CRISP3: variants seen among roughly 807,000 people sequenced by gnomAD.
CRISP3 encodes cysteine-rich secretory protein 3.
Under a neutral mutation model 36.1 loss-of-function variants are expected in CRISP3, and 33 were observed. The ratio of observed to expected loss-of-function variants is 0.91; its 90% CI spans 0.69 to 1.22. CRISP3 has a LOEUF of 1.22. Ranked by LOEUF, CRISP3 falls within the 50% of genes most tolerant of loss-of-function variation. The pLI is 0.00. For missense variants in CRISP3, 330 were observed against 301.2 expected (o/e 1.10, Z -0.71); for synonymous variants, 117 against 104.6 (o/e 1.12, Z -0.72).
At chr6:49,735,384 A>G (rs1769016524) in intron 4 of CRISP3, 120 bp downstream of exon 4, 1 of 697,006 alleles carries the variant, frequency 1.4e-6, no homozygotes, top group Non-Finnish European at 2.5e-6. Context: ...GATAGTCCAT[A>G]TTGAAAAAGG....
chr6:49,732,545 T>C (rs1371607326), intron 6 of CRISP3, among the ~76,000 whole-genome samples: 1 of 152,222 alleles, frequency 6.6e-6, no homozygotes. Flanking sequence ...AAGTGGACTT[T>C]CTGCAGAAAA....
At chr6:49,742,123 G>A (rs1302277920) in intron 1 of CRISP3, among the ~76,000 whole-genome samples, 1 of 151,424 alleles carries the variant, frequency 6.6e-6, no homozygotes, top group Non-Finnish European at 1.5e-5. Flanking sequence ...ACAGTATCTG[G>A]GAAACAACAA....
chr6:49,735,826 A>G (rs1769037159), intron 3 of CRISP3, among the ~76,000 whole-genome samples: 1 of 152,194 alleles, frequency 6.6e-6, no homozygotes, highest in Non-Finnish European at 1.5e-5. Context: ...TTATGGTCCA[A>G]TTATTTATCA....
In CRISP3 at chr6:49,736,381, C is replaced by A. The variant is rs199951634; in HGVS notation, c.228+10G>T. 6.3e-7 allele frequency: 1 copy of A among 1,576,370 alleles called. No homozygotes were observed. The highest frequency in any genetic ancestry group is 8.7e-7 in the Non-Finnish European group (1 of 1,147,226). The stretch of plus-strand genomic sequence containing the variant: ...TTCACACCCCTCTCCTTTGCAATAT[C>A]ACCTCTTACCATCTTCAGCATGTTT... On this transcript the variant is annotated intron_variant, in intron 3 of 7. Transcript: ENST00000263045.
intron 2 of CRISP3, among the ~76,000 whole-genome samples, chr6:49,736,823 T>A (rs1289427948): frequency 6.6e-6 from 1 of 152,036 alleles, no homozygotes; most frequent in African/African-American, 2.4e-5. Context: ...GTGACAAGGG[T>A]ACATGATAGT....
intron 7 of CRISP3, among the ~76,000 whole-genome samples, chr6:49,729,382 A>C (rs561350100): frequency 3.3e-5 from 5 of 152,110 alleles, no homozygotes; most frequent in South Asian, 2.1e-4. Context: ...TAATGCCCCC[A>C]GTCTTTCTCT....
chr6:49,744,188 C>A (rs1769275596), intron 1 of CRISP3, 143 bp downstream of exon 1: 3 of 513,712 alleles, frequency 5.8e-6, no homozygotes, highest in South Asian at 7.6e-5. Flanking sequence ...AAGATAATTA[C>A]TCTCATTAAA....
At chr6:49,735,928 A>G (rs931412823) in intron 3 of CRISP3, among the ~76,000 whole-genome samples, 1 of 152,154 alleles carries the variant, frequency 6.6e-6, no homozygotes, top group African/African-American at 2.4e-5. Context: ...TTTTCCAACA[A>G]TGAAGTAATT....
chr6:49,728,564 T>C lies in CRISP3; in HGVS notation c.*166A>G. 1.2e-5 allele frequency: 6 copies of C among 504,880 alleles called. No homozygotes were observed. Among genetic ancestry groups the C allele is most frequent in the Non-Finnish European group, 1.9e-5 (6 of 318,070 alleles). The allele number at this position is 504,880 out of a possible 1,614,324, so 31.3% of individuals were successfully genotyped here. On this transcript the variant is annotated 3_prime_UTR_variant, in exon 8 of 8. Transcript: ENST00000263045. ...TTTAACCATTTGTATGAAAAATATTTTTGTAAAATAAAAAGCAGATCCAGA... is the reference window on the plus strand; with the variant it reads ...TTTAACCATTTGTATGAAAAATATTCTTGTAAAATAAAAAGCAGATCCAGA...
At chr6:49,744,247 C>T in intron 1 of CRISP3, 84 bp downstream of exon 1, 11 of 940,744 alleles carry the variant, frequency 1.2e-5, no homozygotes, top group Non-Finnish European at 1.7e-5. Context: ...ACGAATATAT[C>T]ACTTTATCAT....
intron 1 of CRISP3, among the ~76,000 whole-genome samples, chr6:49,738,923 G>A (rs1249655681): frequency 6.6e-6 from 1 of 152,068 alleles, no homozygotes; most frequent in African/African-American, 2.4e-5. Flanking sequence ...ACAAGAAAAT[G>A]GGAGCAGGGG....
Position 49,728,548 on chromosome 6 carries a change from T to A in CRISP3, c.*182A>T. ...ATAGATTTTGTTTCTTTTTAACCAT[T>A]TGTATGAAAAATATTTTTGTAAAAT... On this transcript the variant is annotated 3_prime_UTR_variant, in exon 8 of 8. Transcript: ENST00000263045. The A allele has an allele frequency of 4.6e-6, 2 of 437,344 alleles. No individual in the cohort carries two copies. The highest frequency in any genetic ancestry group is 7.5e-6 in the Non-Finnish European group (2 of 265,462). 27.1% of individuals were successfully genotyped at this position (437,344 alleles called of 1,614,324 possible).
rs1768904734 is a variant in CRISP3 at position 49,731,095 on chromosome 6, T to A, written c.649+68A>T. 9 of 1,190,644 alleles carry A rather than the reference T, an allele frequency of 7.6e-6. No homozygotes were observed. In the South Asian group the frequency reaches 1.3e-4, roughly 17 times the overall value. The allele number at this position is 1,190,644 out of a possible 1,614,324, so 73.8% of individuals were successfully genotyped here. On this transcript the variant is annotated intron_variant, in intron 7 of 7. Coordinates refer to ENST00000263045, the MANE Select transcript of CRISP3 (RefSeq NM_006061.4). ...ATTGCTTAAGTTGGTTGTCTTCAGA[T>A]TTCCCAATTCTTAGAAGAAATGTCA... is the stretch of plus-strand genomic sequence containing the variant.
intron 1 of CRISP3, among the ~76,000 whole-genome samples, chr6:49,743,081 C>T (rs1388648495): frequency 1.3e-5 from 2 of 152,066 alleles, no homozygotes; most frequent in Non-Finnish European, 2.9e-5. Flanking sequence ...CAGCCTATGC[C>T]AATATGCAAA....
chr6:49,736,502 G>A lies in CRISP3; in HGVS notation c.117C>T (p.Pro39=), dbSNP rs267601064. ...PSFPANEDKD[P]AFTALLTTQT... is the part of the protein sequence containing the mutation. The stretch of plus-strand genomic sequence containing the variant: ...GGGTGGTTAACAAAGCAGTAAAAGC[G>A]GGATCCTAAGGGAAAATAAAATTAC... The change falls in exon 3 of 8, where the codon CCC becomes CCT. Residue 39 remains proline (P), a synonymous_variant. Coordinates refer to ENST00000263045, the MANE Select transcript of CRISP3 (RefSeq NM_006061.4). 16 of 1,596,970 alleles carry A rather than the reference G, an allele frequency of 1.0e-5. No individual in the cohort carries two copies. The highest frequency in any genetic ancestry group is 6.7e-5 in the Admixed American group (4 of 59,736).
At chr6:49,740,646 G>T (rs1378633950) in intron 1 of CRISP3, among the ~76,000 whole-genome samples, 1 of 144,036 alleles carries the variant, frequency 6.9e-6, no homozygotes, top group Non-Finnish European at 1.5e-5. Context: ...AGAGGGGAGT[G>T]CTGCATCCAA....
In CRISP3 at chr6:49,728,796, G is replaced by A; in HGVS notation, c.711C>T (p.Thr237=). The A allele has an allele frequency of 6.2e-7, 1 of 1,612,598 alleles. No individual in the cohort carries two copies. Among genetic ancestry groups the A allele is most frequent in the Non-Finnish European group, 8.5e-7 (1 of 1,179,182 alleles). Residue 237 remains threonine (T), a synonymous_variant, in exon 8 of 8, where the codon ACC becomes ACT. Coordinates refer to ENST00000263045, the MANE Select transcript of CRISP3 (RefSeq NM_006061.4). ...SNCKSLKLTL[T]CKHQLVRDSC... ...TGTCCCTGACCAACTGATGTTTACA[G>A]GTTAATGTGAGCTTCAAACTTTTAC...
intron 4 of CRISP3, 85 bp from the exon 5 acceptor site, chr6:49,733,933 C>A: frequency 8.3e-7 from 1 of 1,203,704 alleles, no homozygotes. Context: ...CTACACACAG[C>A]AGAATCCCTG....
At chr6:49,730,973 CG>C (rs1768901186) in intron 7 of CRISP3, among the ~76,000 whole-genome samples, 189 bp downstream of exon 7, 1 of 152,152 alleles carries the variant, frequency 6.6e-6, no homozygotes, top group Non-Finnish European at 1.5e-5. Context: ...TCCCTGCAAG[CG>C]GAGGTTGCAG....
Sources: gnomAD v4.1 joint callset for allele counts (sites outside exome capture counted in the v4.1 genomes callset) on GRCh38, gnomAD v4.1.1 for gene constraint, MANE v1.5 for transcripts, NCBI Gene and HGNC (gene_info 2026-07-23, HGNC 2026-07-21) for gene names.